The following COPS3 variants were observed in gnomAD, a reference collection of about 807,000 sequenced individuals.
The protein encoded by COPS3 is COP9 signalosome subunit 3, also known as COP9 signalosome complex subunit 3.
In COPS3, 10 loss-of-function variants were observed where a neutral mutation model predicts 58.2. The ratio of observed to expected loss-of-function variants is 0.17; its 90% confidence interval spans 0.11 to 0.29. COPS3 has a LOEUF of 0.29. Ranked by LOEUF, COPS3 falls within the 10% of genes least tolerant of loss-of-function variation. The pLI is 1.00. For synonymous variants in COPS3, 187 were observed against 181.7 expected (o/e 1.03, Z -0.24); for missense variants, 333 against 510.1 (o/e 0.65, Z 3.34).
At chr17:17,277,294 G>C (rs905699607) in intron 1 of COPS3, among the ~76,000 whole-genome samples, 1 of 152,182 alleles carries the variant, frequency 6.6e-6, no homozygotes, top group African/African-American at 2.4e-5. Context: ...GTAAACTCAG[G>C]TGGAGGGATT....
chr17:17,273,291 T>C (rs2048390622), intron 2 of COPS3, among the ~76,000 whole-genome samples: 1 of 152,178 alleles, frequency 6.6e-6, no homozygotes, highest in South Asian at 2.1e-4. Context: ...TAAATTAAAA[T>C]TAAAGATTCA....
chr17:17,275,353 T>C (rs2048439536), intron 2 of COPS3, among the ~76,000 whole-genome samples: 1 of 152,060 alleles, frequency 6.6e-6, no homozygotes, highest in East Asian at 1.9e-4. Flanking sequence ...TCCCAAAATG[T>C]TGGGATTAGA....
At chr17:17,248,862 G>C (rs1446752051) in intron 10 of COPS3, 64 bp downstream of exon 10, 3 of 1,009,238 alleles carry the variant, frequency 3.0e-6, no homozygotes, top group Non-Finnish European at 4.5e-6. Context: ...TGGAACATAG[G>C]AGCAATTTTC....
At chr17:17,256,261 T>C (rs1047865859) in intron 8 of COPS3, among the ~76,000 whole-genome samples, 3 of 152,108 alleles carry the variant, frequency 2.0e-5, no homozygotes, top group Non-Finnish European at 2.9e-5. Flanking sequence ...ATTTTATATA[T>C]ATATGTAAAC....
intron 1 of COPS3, among the ~76,000 whole-genome samples, chr17:17,277,993 G>A (rs981491398): frequency 2.0e-5 from 3 of 152,142 alleles, no homozygotes; most frequent in Non-Finnish European, 4.4e-5. Context: ...AATTAGCTGG[G>A]TGTGGTGGCA....
At chr17:17,261,368 T>C (rs751938017) in intron 7 of COPS3, among the ~76,000 whole-genome samples, 12 of 151,092 alleles carry the variant, frequency 7.9e-5, no homozygotes, top group Non-Finnish European at 1.5e-4. Flanking sequence ...CCACTAAAAA[T>C]ACAAAAAATT....
intron 8 of COPS3, among the ~76,000 whole-genome samples, chr17:17,257,828 AAG>A (rs899249608): frequency 6.6e-6 from 1 of 151,930 alleles, no homozygotes; most frequent in African/African-American, 2.4e-5. Context: ...GAAAAAGAAA[AAG>A]AAAAACATCT....
intron 10 of COPS3, 99 bp downstream of exon 10, chr17:17,248,827 C>T: frequency 2.8e-6 from 2 of 719,680 alleles, no homozygotes; most frequent in Non-Finnish European, 4.6e-6. Flanking sequence ...CTGGGAACTA[C>T]CTGTACTTAA....
chr17:17,261,528 A>AAATG lies in COPS3; in HGVS notation c.762+437_762+438insCATT, dbSNP rs1404668043. The stretch of plus-strand genomic sequence containing the variant: ...GTGACAAGAGCAAAACTCCATTTCT[A>AAATG]AATAAATAAATAAATAAATAAAATG... On this transcript the variant is annotated intron_variant, in intron 7 of 11. Coordinates refer to ENST00000268717, the MANE Select transcript of COPS3 (RefSeq NM_003653.4). 211 of 305,760 alleles carry AAATG rather than the reference A, an allele frequency of 6.9e-4. 3 individuals are homozygous for AAATG. Among genetic ancestry groups the AAATG allele is most frequent in the Non-Finnish European group, 1.2e-3 (191 of 162,622 alleles). The allele number at this position is 305,760 out of a possible 1,614,324, so 18.9% of individuals were successfully genotyped here.
At chr17:17,266,220 G>C (rs762638494) in intron 5 of COPS3, among the ~76,000 whole-genome samples, 5 of 152,084 alleles carry the variant, frequency 3.3e-5, no homozygotes, top group African/African-American at 1.2e-4. Flanking sequence ...AGAATACTCC[G>C]TACCTGTAGA....
intron 1 of COPS3, among the ~76,000 whole-genome samples, chr17:17,279,166 G>A (rs1468558796): frequency 6.6e-6 from 1 of 152,140 alleles, no homozygotes; most frequent in African/African-American, 2.4e-5. Flanking sequence ...GAGCCACTGC[G>A]CCTGGCCTGA....
In COPS3 at chr17:17,246,767, G is replaced by T. The variant is rs1053569155; in HGVS notation, c.*331C>A. 3 of 251,166 alleles carry T rather than the reference G, an allele frequency of 1.2e-5. No individual in the cohort carries two copies. Among genetic ancestry groups the T allele is most frequent in the Non-Finnish European group, 2.3e-5 (3 of 130,726 alleles). The allele number at this position is 251,166 out of a possible 1,614,324, so 15.6% of individuals were successfully genotyped here. A position where few individuals can be genotyped will look rare whatever the true frequency, so the allele number is the denominator to read the frequency against. ...AAATCCAGCTATTTCTGTTCACAAT[G>T]AATGTGCTTATTAAAAACTTCAGAG... On this transcript the variant is annotated 3_prime_UTR_variant, in exon 12 of 12. Coordinates refer to ENST00000268717, the MANE Select transcript of COPS3 (RefSeq NM_003653.4).
intron 4 of COPS3, among the ~76,000 whole-genome samples, chr17:17,269,460 G>A (rs1270387630): frequency 6.6e-6 from 1 of 152,064 alleles, no homozygotes; most frequent in African/African-American, 2.4e-5. Context: ...GCTGGGAAAG[G>A]TGACATGCGC....
At chr17:17,277,196 A>G (rs1386260075) in intron 1 of COPS3, among the ~76,000 whole-genome samples, 1 of 152,112 alleles carries the variant, frequency 6.6e-6, no homozygotes, top group Non-Finnish European at 1.5e-5. Context: ...TGGCGTCTCT[A>G]GACCCTCATC....
intron 1 of COPS3, among the ~76,000 whole-genome samples, 170 bp from the exon 2 acceptor site, chr17:17,276,334 G>A (rs1041364140): frequency 1.3e-5 from 2 of 152,150 alleles, no homozygotes; most frequent in African/African-American, 2.4e-5. Context: ...CAACCTGTCC[G>A]TGGTCTCAAA....
At chr17:17,264,716 C>T (rs2048183253) in intron 6 of COPS3, 86 bp downstream of exon 6, 7 of 1,155,860 alleles carry the variant, frequency 6.1e-6, no homozygotes, top group Non-Finnish European at 7.4e-6. Flanking sequence ...GCCCTGGGAT[C>T]AGACCACTCT....
rs531028763 is a variant in COPS3, at chr17:17,263,436, C to T, written c.622-1330G>A. Among the ~76,000 whole-genome samples the T allele has an allele frequency of 1.0e-3, 155 of 151,066 alleles. 1 individual carries two copies. The Middle Eastern group carries it at 0.011, about 10-fold the overall frequency. On this transcript the variant is annotated intron_variant, in intron 6 of 11. Coordinates refer to ENST00000268717, the MANE Select transcript of COPS3 (RefSeq NM_003653.4). ...CTGGTCTTGAATTCCTGACCTCAGG[C>T]GATTTGCCTGCCTCGGCCTCCCAGT...
chr17:17,260,696 G>A, intron 7 of COPS3: 1 of 316,406 alleles, frequency 3.2e-6, no homozygotes, highest in Non-Finnish European at 5.9e-6. Context: ...CCAGCTACTT[G>A]GGAGGCTGAG....
At chr17:17,266,584 A>C (rs2048226705) in intron 5 of COPS3, among the ~76,000 whole-genome samples, 1 of 151,914 alleles carries the variant, frequency 6.6e-6, no homozygotes, top group East Asian at 2.0e-4. Flanking sequence ...GGATCGCTTG[A>C]AGTCAGGAGT....
Sources: gnomAD v4.1 joint callset for allele counts (sites outside exome capture counted in the v4.1 genomes callset) on GRCh38, gnomAD v4.1.1 for gene constraint, MANE v1.5 for transcripts, NCBI Gene and HGNC (gene_info 2026-07-23, HGNC 2026-07-21) for gene names.